The following HNRNPM variants were observed in gnomAD, a reference collection of about 807,000 sequenced individuals.
HNRNPM encodes heterogeneous nuclear ribonucleoprotein M.
In HNRNPM, 11 loss-of-function variants were observed where a neutral mutation model predicts 73.1. That is an observed-to-expected ratio of 0.15 (90% CI 0.09 to 0.25). HNRNPM has a LOEUF of 0.25. HNRNPM is among the 10% of genes least tolerant of loss of function. The probability of loss-of-function intolerance (pLI) is 1.00; values close to 1 mark genes in which losing one functional copy is unlikely to be tolerated. For missense variants in HNRNPM, 789 were observed against 1,067.9 expected (o/e 0.74, Z 3.64); for synonymous variants, 407 against 355.2 (o/e 1.15, Z -1.64).
rs747408573 is a variant in HNRNPM, at chr19:8,485,948, C to A, written c.1520C>A (p.Thr507Asn). 36 of 1,604,640 alleles carry A rather than the reference C, an allele frequency of 2.2e-5. No individual in the cohort carries two copies. Among genetic ancestry groups the A allele is most frequent in the Non-Finnish European group, 2.8e-5 (33 of 1,179,016 alleles). The part of the protein sequence containing the change: ...MAAPIDRVGQ[T>N]IERMGSGVER... ...GCTCCCATCGACCGTGTGGGCCAGA[C>A]CATTGAGCGCATGGGCTCTGGCGTG... The change falls in exon 14 of 16, where the codon ACC (threonine) becomes AAC (asparagine). Residue 507 changes from threonine to asparagine, a missense_variant. This residue lies in a region of HNRNPM where 604 missense variants were observed against 744.0 expected (regional missense o/e 0.81). Coordinates refer to ENST00000325495, the MANE Select transcript of HNRNPM (RefSeq NM_005968.5).
intron 12 of HNRNPM, among the ~76,000 whole-genome samples, chr19:8,481,875 A>G (rs1309713301): frequency 6.6e-6 from 1 of 151,826 alleles, no homozygotes; most frequent in Non-Finnish European, 1.5e-5. Flanking sequence ...TCTCTTGGTG[A>G]ACTTTCCCAC....
At chr19:8,456,445 A>G (rs752421472) in intron 2 of HNRNPM, among the ~76,000 whole-genome samples, 18 of 152,212 alleles carry the variant, frequency 1.2e-4, no homozygotes, top group Middle Eastern at 3.2e-3. Context: ...GTAGAGAACA[A>G]TTTGTATATT....
intron 10 of HNRNPM, among the ~76,000 whole-genome samples, chr19:8,472,795 C>A (rs895731373): frequency 6.6e-6 from 1 of 152,108 alleles, no homozygotes; most frequent in Non-Finnish European, 1.5e-5. Flanking sequence ...TTGGTCAGGC[C>A]GGGCTGGAAC....
At chr19:8,455,652 G>A in intron 2 of HNRNPM, 78 bp downstream of exon 2, 1 of 1,275,248 alleles carries the variant, frequency 7.8e-7, no homozygotes, top group South Asian at 1.3e-5. Flanking sequence ...GGTTATTTTT[G>A]GTCAGTGGAA....
At chr19:8,478,947 A>T (rs983958876) in intron 12 of HNRNPM, among the ~76,000 whole-genome samples, 1 of 152,206 alleles carries the variant, frequency 6.6e-6, no homozygotes, top group Non-Finnish European at 1.5e-5. Context: ...TGACAGAGGC[A>T]TCTAGACCGA....
At chr19:8,471,156 C>T (rs925143339) in intron 9 of HNRNPM, among the ~76,000 whole-genome samples, 170 bp from the exon 10 acceptor site, 5 of 145,008 alleles carry the variant, frequency 3.4e-5, no homozygotes, top group South Asian at 2.2e-4. Flanking sequence ...GAACAAGGCT[C>T]TGTTTCCAAG....
rs79402500 is a variant in HNRNPM at position 8,479,078 on chromosome 19, C to T, written c.1121-4080C>T. Among the ~76,000 whole-genome samples the T allele has an allele frequency of 4.6e-4, 34 of 73,830 alleles. 1 individual carries two copies. The highest frequency in any genetic ancestry group is 1.6e-3 in the South Asian group (3 of 1,920). 48.4% of individuals were successfully genotyped at this position (73,830 alleles called of 152,430 possible). On this transcript the variant is annotated intron_variant, in intron 12 of 15. Coordinates refer to ENST00000325495, the MANE Select transcript of HNRNPM (RefSeq NM_005968.5). ...ATTTCCTCCTCTTTTTTCTTTCTTT[C>T]TTTTTTTTTTTTTTTTTTTTTTTTC... is the stretch of plus-strand genomic sequence containing the variant.
intron 13 of HNRNPM, 27 bp downstream of exon 13, chr19:8,483,238 GT>G (rs142155944): frequency 3.1e-6 from 5 of 1,588,704 alleles, no homozygotes; most frequent in Non-Finnish European, 3.5e-6. Flanking sequence ...TTGATGTTTT[GT>G]TTTTTTAGAA....
chr19:8,456,616 G>T (rs190405712), intron 2 of HNRNPM, among the ~76,000 whole-genome samples: 1 of 152,184 alleles, frequency 6.6e-6, no homozygotes, highest in African/African-American at 2.4e-5. Flanking sequence ...GAGATGCCCC[G>T]TGGATAGGCC....
At chr19:8,471,509 T>A in intron 10 of HNRNPM, 82 bp downstream of exon 10, 1 of 642,504 alleles carries the variant, frequency 1.6e-6, no homozygotes, top group African/African-American at 1.9e-5. Flanking sequence ...TTTGAGTAGT[T>A]TAAATGGAAT....
At chr19:8,450,251 G>GGGTATT (rs1968510714) in intron 1 of HNRNPM, among the ~76,000 whole-genome samples, 1 of 152,126 alleles carries the variant, frequency 6.6e-6, no homozygotes, top group Non-Finnish European at 1.5e-5. Flanking sequence ...CACAATTTCA[G>GGGTATT]GGTATTGGGA....
At chr19:8,468,630 G>A in intron 8 of HNRNPM, 144 bp from the exon 9 acceptor site, 1 of 631,758 alleles carries the variant, frequency 1.6e-6, no homozygotes, top group South Asian at 1.8e-5. Context: ...TGCTCCGCAT[G>A]CCTTTCTACC....
rs1229573313 is a variant in HNRNPM, at chr19:8,468,803, C to A, written c.864C>A (p.Phe288Leu). 3.7e-6 allele frequency: 6 copies of A among 1,613,820 alleles called. No individual in the cohort carries two copies. The South Asian group carries it at 6.6e-5, about 18-fold the overall frequency. Reference protein sequence around the residue: ...MDERALPKGDFFPPERPQQLP... With the variant: ...MDERALPKGDLFPPERPQQLP... ...AGAGGGCCTTACCAAAAGGAGATTT[C>A]TTCCCTCCTGAGCGTCCACAACAAC... Residue 288 changes from phenylalanine to leucine, a missense_variant, in exon 9 of 16, where the codon TTC becomes TTA. By Grantham distance (22) the Phe-to-Leu change is conservative (BLOSUM62 0). This residue lies in a region of HNRNPM where 604 missense variants were observed against 744.0 expected (regional missense o/e 0.81). Coordinates refer to ENST00000325495, the MANE Select transcript of HNRNPM (RefSeq NM_005968.5).
chr19:8,445,140 G>A (rs1451473911), intron 1 of HNRNPM, 29 bp downstream of exon 1: 1 of 1,366,572 alleles, frequency 7.3e-7, no homozygotes, highest in Non-Finnish European at 9.5e-7. Context: ...TTTGCCACGG[G>A]TAAGGGTTCC....
chr19:8,487,983 C>T (rs1187573742), intron 15 of HNRNPM: 2 of 152,452 alleles, frequency 1.3e-5, no homozygotes, highest in Non-Finnish European at 2.9e-5. Flanking sequence ...CTGGTCCTAT[C>T]CTCCTCCATC....
In HNRNPM at chr19:8,468,762, T is replaced by C; in HGVS notation, c.835-12T>C. 6.2e-7 allele frequency: 1 copy of C among 1,611,284 alleles called. No homozygotes were observed. Among genetic ancestry groups the C allele is most frequent in the Non-Finnish European group, 8.5e-7 (1 of 1,177,434 alleles). ...TGGATACTGAGATTTGTTTGTTTTCTTTCTCTTTCAGGATGAGAGGGCCTT... is the reference window on the plus strand; with the variant it reads ...TGGATACTGAGATTTGTTTGTTTTCCTTCTCTTTCAGGATGAGAGGGCCTT... On this transcript the variant is annotated splice_polypyrimidine_tract_variant and intron_variant, in intron 8 of 15. Coordinates refer to ENST00000325495, the MANE Select transcript of HNRNPM (RefSeq NM_005968.5).
chr19:8,485,446 G>A (rs573955238), intron 13 of HNRNPM, among the ~76,000 whole-genome samples, 157 bp from the exon 14 acceptor site: 94 of 152,376 alleles, frequency 6.2e-4, no homozygotes, highest in South Asian at 3.9e-3. Flanking sequence ...CCACCACACA[G>A]CTGTAGCTGT....
chr19:8,447,454 C>T (rs893917671), intron 1 of HNRNPM, among the ~76,000 whole-genome samples: 5 of 152,032 alleles, frequency 3.3e-5, no homozygotes. Flanking sequence ...AGGAGGTGAC[C>T]TCCGCCACCT....
At chr19:8,463,461 C>A (rs769193269) in intron 3 of HNRNPM, 36 bp from the exon 4 acceptor site, 4 of 1,610,514 alleles carry the variant, frequency 2.5e-6, no homozygotes, top group Middle Eastern at 3.3e-4. Flanking sequence ...TTTCCCCTTC[C>A]TTGCTCTTCT....
Sources: gnomAD v4.1 joint callset for allele counts (sites outside exome capture counted in the v4.1 genomes callset) on GRCh38, gnomAD v4.1.1 for gene constraint, gnomAD v4.1.1 regional missense constraint, MANE v1.5 for transcripts, NCBI Gene and HGNC (gene_info 2026-07-23, HGNC 2026-07-21) for gene names.